The following EHBP1 variants were observed in gnomAD, a reference collection of about 807,000 sequenced individuals.
EHBP1 encodes EH domain-binding protein 1.
A neutral mutation model predicts 144.0 loss-of-function variants in EHBP1; 55 were observed. The ratio of observed to expected loss-of-function variants is 0.38; its 90% CI spans 0.31 to 0.48. The LOEUF is 0.48. Among genes scored for constraint, EHBP1 ranks in the 20% least tolerant of loss-of-function variants. The pLI, the probability that EHBP1 is intolerant of heterozygous loss-of-function variation, is 0.98. For missense variants in EHBP1, 1,200 were observed against 1,364.2 expected, an observed-to-expected ratio of 0.88 and a Z score of 1.90; for synonymous variants, 469 against 472.7, an observed-to-expected ratio of 0.99 and a Z score of 0.10.
At chr2:62,716,790 C>T (rs2035727480) in intron 2 of EHBP1, among the ~76,000 whole-genome samples, 1 of 152,228 alleles carries the variant, frequency 6.6e-6, no homozygotes, top group Admixed American at 6.5e-5. Flanking sequence ...AGGCCCTTTG[C>T]TCCCCTGGCA....
At chr2:62,682,950 C>T (rs376102516) in intron 1 of EHBP1, among the ~76,000 whole-genome samples, 21 of 151,870 alleles carry the variant, frequency 1.4e-4, no homozygotes, top group East Asian at 5.8e-4. Flanking sequence ...AACTATTATA[C>T]GTTAAGCAAG....
At chr2:62,929,587 A>G (rs1199818444) in intron 10 of EHBP1, among the ~76,000 whole-genome samples, 2 of 152,200 alleles carry the variant, frequency 1.3e-5, no homozygotes, top group Admixed American at 1.3e-4. Flanking sequence ...AACATGATAA[A>G]AGTCATATAT....
At position 63,038,565 on chromosome 2, in the gene EHBP1, G is replaced by A. The variant is rs527583690; in HGVS notation, c.3204-178G>A. Among the ~76,000 whole-genome samples the A allele has an allele frequency of 2.0e-5, 3 of 152,054 alleles. No individual in the cohort carries two copies. In the South Asian group the frequency reaches 6.2e-4, roughly 32 times the overall value. On this transcript the variant is annotated intron_variant, in intron 20 of 22. Coordinates refer to ENST00000431489, the MANE Select transcript of EHBP1 (RefSeq NM_001142616.3). ...TCAGAATTGAAGGAGGAAAATAATA[G>A]CACTAGTAAATATTCGACTGAGGAA... is the stretch of plus-strand genomic sequence containing the variant.
At chr2:62,969,253 A>G (rs2058386257) in intron 14 of EHBP1, among the ~76,000 whole-genome samples, 1 of 152,144 alleles carries the variant, frequency 6.6e-6, no homozygotes, top group South Asian at 2.1e-4. Context: ...ATGAAAGAAA[A>G]TGATTATTTA....
At chr2:62,711,745 G>A (rs1033886205) in intron 2 of EHBP1, among the ~76,000 whole-genome samples, 5 of 152,098 alleles carry the variant, frequency 3.3e-5, no homozygotes, top group South Asian at 4.2e-4. Flanking sequence ...TTGGGAGAGC[G>A]TGTTTTCTAA....
chr2:62,697,569 A>G (rs1348750437), intron 1 of EHBP1, among the ~76,000 whole-genome samples: 1 of 152,214 alleles, frequency 6.6e-6, no homozygotes, highest in Admixed American at 6.5e-5. Flanking sequence ...GGGAAATACT[A>G]AACAATGACT....
At chr2:62,704,447 C>T (rs981086215), upstream of EHBP1, among the ~76,000 whole-genome samples, 4 of 152,182 alleles carry the variant, frequency 2.6e-5, no homozygotes, top group African/African-American at 7.2e-5. Context: ...TGAAAGAATC[C>T]TCCCTAGACC....
At chr2:62,963,979 T>C (rs2058120532) in intron 14 of EHBP1, among the ~76,000 whole-genome samples, 1 of 152,198 alleles carries the variant, frequency 6.6e-6, no homozygotes, top group Admixed American at 6.5e-5. Flanking sequence ...AGAAGAATGC[T>C]GGCGTACTTC....
At chr2:63,020,380 A>G (rs1192905756) in intron 19 of EHBP1, among the ~76,000 whole-genome samples, 1 of 150,350 alleles carries the variant, frequency 6.7e-6, no homozygotes, top group Non-Finnish European at 1.5e-5. Context: ...GCAGGCGCCT[A>G]TAATCCCAGC....
intron 10 of EHBP1, among the ~76,000 whole-genome samples, chr2:62,906,007 A>T (rs952107696): frequency 5.4e-5 from 8 of 147,322 alleles, no homozygotes; most frequent in African/African-American, 1.9e-4. Context: ...GACGTTGTAT[A>T]TAAAAAAAAA....
chr2:62,820,710 GGTGTGTGTGTGT>G (rs374529607), intron 5 of EHBP1, among the ~76,000 whole-genome samples: 2 of 88,710 alleles, frequency 2.3e-5, no homozygotes, highest in South Asian at 3.7e-4. Context: ...TATTCCATTG[GGTGTGTGTGTGT>G]GTGTGTGTGT....
Position 62,707,127 on chromosome 2 carries a change from C to A in EHBP1, c.-65C>A. 1 of 1,254,346 alleles carries A rather than the reference C, an allele frequency of 8.0e-7. No individual in the cohort carries two copies. Among genetic ancestry groups the A allele is most frequent in the Non-Finnish European group, 1.2e-6 (1 of 853,460 alleles). 77.7% of individuals were successfully genotyped at this position (1,254,346 alleles called of 1,614,324 possible). A position where few individuals can be genotyped will look rare whatever the true frequency, so the allele number is the denominator to read the frequency against. ...CATGCAAAGTTCCTTTGCTTTGGAC[C>A]CTCTGCATTATTAAAGCTGCTGTAT... is the stretch of plus-strand genomic sequence containing the variant. On this transcript the variant is annotated 5_prime_UTR_variant, in exon 2 of 23. Coordinates refer to ENST00000431489, the MANE Select transcript of EHBP1 (RefSeq NM_001142616.3).
chr2:62,775,997 G>A (rs1014452659), intron 5 of EHBP1, among the ~76,000 whole-genome samples: 30 of 152,268 alleles, frequency 2.0e-4, no homozygotes, highest in Admixed American at 1.9e-3. Context: ...AGTCTGTGAA[G>A]AATATATGTA....
At chr2:62,989,303 A>T (rs2059320930) in intron 15 of EHBP1, among the ~76,000 whole-genome samples, 1 of 152,036 alleles carries the variant, frequency 6.6e-6, no homozygotes, top group Non-Finnish European at 1.5e-5. Context: ...GCTGAGGAGG[A>T]CATCCATAAG....
At chr2:62,696,808 C>T (rs1016265916) in intron 1 of EHBP1, among the ~76,000 whole-genome samples, 2 of 152,004 alleles carry the variant, frequency 1.3e-5, no homozygotes, top group East Asian at 1.9e-4. Flanking sequence ...TGAGCCACCA[C>T]GCCTGACCTT....
At chr2:62,715,800 G>A (rs1209574667) in intron 2 of EHBP1, among the ~76,000 whole-genome samples, 3 of 152,198 alleles carry the variant, frequency 2.0e-5, no homozygotes, top group Admixed American at 6.5e-5. Flanking sequence ...GTTGCTTCCA[G>A]CCATACTACT....
At chr2:62,883,860 A>G (rs534446953) in intron 10 of EHBP1, among the ~76,000 whole-genome samples, 1 of 152,296 alleles carries the variant, frequency 6.6e-6, no homozygotes, top group Admixed American at 6.5e-5. Context: ...ATTCCCAGTT[A>G]CTTGGGAGGT....
intron 19 of EHBP1, among the ~76,000 whole-genome samples, chr2:63,027,431 T>C (rs556093296): frequency 6.6e-6 from 1 of 152,340 alleles, no homozygotes; most frequent in South Asian, 2.1e-4. Context: ...GGATGTGGTA[T>C]TATAGTGTTG....
chr2:63,029,805 C>A (rs749838767), intron 19 of EHBP1, among the ~76,000 whole-genome samples: 1 of 152,138 alleles, frequency 6.6e-6, no homozygotes, highest in Non-Finnish European at 1.5e-5. Context: ...AGTCTCAGCT[C>A]ACAACCTTCA....
Sources: gnomAD v4.1 joint callset for allele counts (sites outside exome capture counted in the v4.1 genomes callset) on GRCh38, gnomAD v4.1.1 for gene constraint, MANE v1.5 for transcripts, NCBI Gene and HGNC (gene_info 2026-07-23, HGNC 2026-07-21) for gene names.